Variants in ASCC2 observed in about 807,000 individuals in gnomAD.
The protein encoded by ASCC2 is ASC-1 complex subunit P100.
In ASCC2, 42 loss-of-function variants were observed where a neutral mutation model predicts 93.5. The ratio of observed to expected loss-of-function variants is 0.45; its 90% confidence interval spans 0.35 to 0.58. ASCC2 has a LOEUF of 0.58. ASCC2 is among the 20% of genes least tolerant of loss of function. ASCC2 has a pLI of 0.00. For synonymous variants in ASCC2, 364 were observed against 384.2 expected, an observed-to-expected ratio of 0.95 and a Z score of 0.62; for missense variants, 859 against 977.6, an observed-to-expected ratio of 0.88 and a Z score of 1.62.
rs2057981575 is a variant in ASCC2 at position 29,793,142 on chromosome 22, ACT to A, written c.1919+216_1919+217del. ...ACTCCAGCCTGGGCGACAGAGTGAA[ACT>A]CTGTCTCAAAAAAGAAAAACGCAAA... is the stretch of plus-strand genomic sequence containing the variant. On this transcript the variant is annotated intron_variant, in intron 17 of 19. Coordinates refer to ENST00000307790, the MANE Select transcript of ASCC2 (RefSeq NM_032204.5). 2.0e-5 allele frequency among the ~76,000 whole-genome samples: 3 copies of A among 152,170 alleles called. 1 individual carries two copies. In the South Asian group the frequency reaches 6.2e-4, roughly 32 times the overall value.
At chr22:29,818,054 G>T (rs1163294488) in intron 5 of ASCC2, among the ~76,000 whole-genome samples, 1 of 151,558 alleles carries the variant, frequency 6.6e-6, no homozygotes, top group Non-Finnish European at 1.5e-5. Context: ...AAAATTAGGT[G>T]GGGGATTGGG....
chr22:29,814,291 AGGCATAGCACAGGGTCT>A (rs2060591245), intron 7 of ASCC2, among the ~76,000 whole-genome samples: 1 of 152,262 alleles, frequency 6.6e-6, no homozygotes, highest in South Asian at 2.1e-4. Flanking sequence ...CTTTGCCTCC[AGGCATAGCACAGGGTCT>A]GGCACATGCT....
chr22:29,827,217 C>A (rs1394764072), intron 2 of ASCC2, among the ~76,000 whole-genome samples: 1 of 151,438 alleles, frequency 6.6e-6, no homozygotes, highest in Non-Finnish European at 1.5e-5. Context: ...CACAAGTTCT[C>A]CCTTCCAGCC....
intron 12 of ASCC2, among the ~76,000 whole-genome samples, chr22:29,805,719 T>C (rs1260268008): frequency 6.6e-6 from 1 of 152,132 alleles, no homozygotes; most frequent in Non-Finnish European, 1.5e-5. Flanking sequence ...CTGTTTTCTC[T>C]GTCCTCTGTC....
Position 29,802,187 on chromosome 22 carries a change from C to T in ASCC2, c.1375G>A (p.Val459Met). ...EEECMGAAAA[V>M]GPAMCGVELD... ...TCCACCCCACACATGGCAGGGCCCA[C>T]AGCCGCGGCTGCTCCCATGCACTGT... Residue 459 changes from valine to methionine, a missense_variant, in exon 14 of 20, where the codon GTG becomes ATG. Physicochemically the swap from Val to Met is conservative, Grantham distance 21. Coordinates refer to ENST00000307790, the MANE Select transcript of ASCC2 (RefSeq NM_032204.5). The T allele has an allele frequency of 6.2e-7, 1 of 1,614,154 alleles. No individual in the cohort carries two copies. Among genetic ancestry groups the T allele is most frequent in the Non-Finnish European group, 8.5e-7 (1 of 1,180,032 alleles).
chr22:29,804,574 C>A, intron 13 of ASCC2, 64 bp downstream of exon 13: 1 of 1,561,262 alleles, frequency 6.4e-7, no homozygotes, highest in Non-Finnish European at 8.7e-7. Flanking sequence ...CCTGCTGCCC[C>A]AGCCTCTCAG....
chr22:29,789,654 C>T (rs1050093448), intron 19 of ASCC2, among the ~76,000 whole-genome samples: 10 of 152,216 alleles, frequency 6.6e-5, no homozygotes, highest in African/African-American at 1.2e-4. Context: ...GCCAGAGCTC[C>T]GCACTCAGGG....
At position 29,827,868 on chromosome 22, in the gene ASCC2, C is replaced by CAT. The variant is rs1441563160; in HGVS notation, c.82-2089_82-2088insAT. 1.4e-4 allele frequency among the ~76,000 whole-genome samples: 20 copies of CAT among 138,994 alleles called. 1 individual carries two copies. The highest frequency in any genetic ancestry group is 5.5e-4 in the African/African-American group (20 of 36,640). 91.2% of individuals were successfully genotyped at this position (138,994 alleles called of 152,430 possible). A position where few individuals can be genotyped will look rare whatever the true frequency, so the allele number is the denominator to read the frequency against. On this transcript the variant is annotated intron_variant, in intron 2 of 19. Coordinates refer to ENST00000307790, the MANE Select transcript of ASCC2 (RefSeq NM_032204.5). ...TACTCATTCTCCTGACACACACACA[C>CAT]ACACACACACACCAGGCTACTCATT...
chr22:29,806,076 G>T, intron 12 of ASCC2, 140 bp downstream of exon 12: 2 of 858,586 alleles, frequency 2.3e-6, no homozygotes, highest in Non-Finnish European at 3.8e-6. Context: ...CTGGGACCTT[G>T]GCAGGCCACC....
chr22:29,804,572 C>T, intron 13 of ASCC2, 66 bp downstream of exon 13: 1 of 1,562,254 alleles, frequency 6.4e-7, no homozygotes, highest in South Asian at 1.2e-5. Context: ...TTCCTGCTGC[C>T]CCAGCCTCTC....
chr22:29,815,004 G>A (rs180686638), intron 6 of ASCC2, among the ~76,000 whole-genome samples: 1 of 152,212 alleles, frequency 6.6e-6, no homozygotes, highest in South Asian at 2.1e-4. Flanking sequence ...GGATTAAAAA[G>A]ACAACCTGGG....
intron 1 of ASCC2, chr22:29,833,701 G>C (rs2063425016): frequency 2.2e-6 from 1 of 460,586 alleles, no homozygotes; most frequent in African/African-American, 2.0e-5. Flanking sequence ...TAAAAGGCTA[G>C]AACAGACTCA....
At chr22:29,806,738 G>A (rs778073472) in intron 10 of ASCC2, 59 bp downstream of exon 10, 166 of 1,504,188 alleles carry the variant, frequency 1.1e-4, no homozygotes, top group Non-Finnish European at 1.5e-4. Flanking sequence ...TAATGGAAAC[G>A]CTCCTGAAGG....
At chr22:29,827,097 C>CAA (rs58520896) in intron 2 of ASCC2, among the ~76,000 whole-genome samples, 1,985 of 56,642 alleles carry the variant, frequency 0.035, 121 homozygotes, top group African/African-American at 0.098. Flanking sequence ...GACTCCATCT[C>CAA]AAAAAAAAAA....
At chr22:29,833,397 T>C (rs1302988145) in intron 1 of ASCC2, 2 of 343,428 alleles carry the variant, frequency 5.8e-6, no homozygotes, top group Non-Finnish European at 1.1e-5. Flanking sequence ...AAGAAGTACG[T>C]GGAAGAATAG....
At chr22:29,820,253 C>T (rs756280798) in intron 5 of ASCC2, among the ~76,000 whole-genome samples, 4 of 152,038 alleles carry the variant, frequency 2.6e-5, no homozygotes, top group Non-Finnish European at 5.9e-5. Context: ...ACCTCTGCCT[C>T]CTGGGTTAAC....
chr22:29,814,843 G>T, intron 6 of ASCC2, 76 bp from the exon 7 acceptor site: 3 of 1,240,524 alleles, frequency 2.4e-6, no homozygotes, highest in Non-Finnish European at 3.4e-6. Flanking sequence ...CCAGGGTCAG[G>T]TGATCTGAAA....
chr22:29,808,857 G>A (rs779241440), intron 8 of ASCC2, among the ~76,000 whole-genome samples: 1 of 150,926 alleles, frequency 6.6e-6, no homozygotes, highest in African/African-American at 2.4e-5. Context: ...GGTGGCTCAC[G>A]CCTGTAATCC....
chr22:29,821,030 T>G (rs770639000), intron 5 of ASCC2, among the ~76,000 whole-genome samples: 1 of 152,090 alleles, frequency 6.6e-6, no homozygotes, highest in Non-Finnish European at 1.5e-5. Flanking sequence ...TGAGGAGAGC[T>G]GGCAAGGGCG....
Sources: gnomAD v4.1 joint callset for allele counts (sites outside exome capture counted in the v4.1 genomes callset) on GRCh38, gnomAD v4.1.1 for gene constraint, MANE v1.5 for transcripts, NCBI Gene and HGNC (gene_info 2026-07-23, HGNC 2026-07-21) for gene names.